NHSL1: variants seen among roughly 807,000 people sequenced by gnomAD.
The protein encoded by NHSL1 is NHS like 1.
Under a neutral mutation model 95.0 loss-of-function variants are expected in NHSL1, and 48 were observed. The ratio of observed to expected loss-of-function variants is 0.51; its 90% CI spans 0.40 to 0.64. The LOEUF is 0.64. Among genes scored for constraint, NHSL1 ranks in the 30% least tolerant of loss-of-function variants. NHSL1 has a pLI of 0.00. For synonymous variants in NHSL1, 783 were observed against 833.9 expected (o/e 0.94, Z 1.05); for missense variants, 1,971 against 2,077.7 (o/e 0.95, Z 1.00).
intron 1 of NHSL1, among the ~76,000 whole-genome samples, chr6:138,569,387 G>C (rs891941116): frequency 2.6e-5 from 4 of 152,082 alleles, no homozygotes; most frequent in African/African-American, 4.8e-5. Flanking sequence ...AAGTTAGGGG[G>C]GTTGCGGAAT....
At chr6:138,475,426 C>T (rs766554686) in intron 2 of NHSL1, among the ~76,000 whole-genome samples, 8 of 151,978 alleles carry the variant, frequency 5.3e-5, no homozygotes, top group Non-Finnish European at 1.0e-4. Context: ...CAGGGACTCA[C>T]TATGTTACCT....
rs760962634 is a variant in NHSL1 at position 138,444,272 on chromosome 6, TA to T, written c.533-2159del. On this transcript the variant is annotated intron_variant, in intron 4 of 7. Coordinates refer to ENST00000343505, the MANE Select transcript of NHSL1 (RefSeq NM_001144060.2). ...ATTGCTCAATTAAACTCTTTTAAAT[TA>T]AAAAAAAAAAAAGAAATAAACTTGG... 8.9e-3 allele frequency among the ~76,000 whole-genome samples: 1,237 copies of T among 139,356 alleles called. 1 individual carries two copies. Among genetic ancestry groups the T allele is most frequent in the South Asian group, 0.017 (73 of 4,404 alleles). 91.4% of individuals were successfully genotyped at this position (139,356 alleles called of 152,430 possible). A position where few individuals can be genotyped will look rare whatever the true frequency, so the allele number is the denominator to read the frequency against.
rs1455944994 is a variant in NHSL1 at position 138,653,041 on chromosome 6, G to A, written c.96+39435C>T. 2.0e-5 allele frequency among the ~76,000 whole-genome samples: 3 copies of A among 152,192 alleles called. No individual in the cohort carries two copies. The East Asian group carries it at 5.8e-4, about 29-fold the overall frequency. On this transcript the variant is annotated intron_variant, in intron 1 of 3. Transcript: ENST00000491526. ...CTGTTGAAATTCAAGGATTTCCTCTGCATTCTCTTGCCTGCAGAGCTAAAC... is the reference window on the plus strand; with the variant it reads ...CTGTTGAAATTCAAGGATTTCCTCTACATTCTCTTGCCTGCAGAGCTAAAC...
chr6:138,538,518 C>T (rs1176767573), intron 1 of NHSL1, among the ~76,000 whole-genome samples: 1 of 152,164 alleles, frequency 6.6e-6, no homozygotes, highest in African/African-American at 2.4e-5. Flanking sequence ...TTTGCCTTCC[C>T]TTTCCTAAGA....
At position 138,473,369 on chromosome 6, in the gene NHSL1, A is replaced by C; in HGVS notation, c.276T>G (p.Phe92Leu). 2.6e-6 allele frequency: 4 copies of C among 1,549,056 alleles called. No homozygotes were observed. The highest frequency in any genetic ancestry group is 3.5e-6 in the Non-Finnish European group (4 of 1,146,020). The change falls in exon 3 of 8, where the codon TTT (phenylalanine) becomes TTG (leucine). Residue 92 changes from phenylalanine to leucine, a missense_variant. Physicochemically the swap from Phe to Leu is conservative, Grantham distance 22. Transcript: ENST00000343505. ...SSQYYSQGPT[F>L]AANASPFCDD... ...CACAGAATGGGCTGGCGTTGGCCGCAAAGGTGGGTCCCTGAGAGTAGTACT... is the reference window on the plus strand; with the variant it reads ...CACAGAATGGGCTGGCGTTGGCCGCCAAGGTGGGTCCCTGAGAGTAGTACT...
chr6:138,645,461 T>C (rs1159047397), intron 1 of NHSL1, among the ~76,000 whole-genome samples: 1 of 152,092 alleles, frequency 6.6e-6, no homozygotes, highest in Non-Finnish European at 1.5e-5. Flanking sequence ...AATCACCTTA[T>C]AACGTACTAT....
chr6:138,670,461 T>C (rs1339416497), intron 1 of NHSL1, among the ~76,000 whole-genome samples: 4 of 148,998 alleles, frequency 2.7e-5, no homozygotes, highest in South Asian at 2.1e-4. Context: ...GGTCAGGAGA[T>C]CGAGACCATC....
At chr6:138,685,629 T>C (rs7762358) in intron 1 of NHSL1, among the ~76,000 whole-genome samples, 5,362 of 152,070 alleles carry the variant, frequency 0.035, 192 homozygotes, top group African/African-American at 0.083. Context: ...GGTGGGAGGA[T>C]TGCTTGAGGC....
chr6:138,464,286 T>A, intron 3 of NHSL1: 1 of 760,044 alleles, frequency 1.3e-6, no homozygotes. Flanking sequence ...TGGCAGACCC[T>A]GGTGTCGTGG....
chr6:138,476,191 A>C (rs1779055763), intron 2 of NHSL1, among the ~76,000 whole-genome samples: 1 of 152,156 alleles, frequency 6.6e-6, no homozygotes, highest in Non-Finnish European at 1.5e-5. Flanking sequence ...AGATACCTGC[A>C]CTCATATGTT....
At chr6:138,593,516 G>A (rs1454410279) in intron 1 of NHSL1, among the ~76,000 whole-genome samples, 1 of 152,204 alleles carries the variant, frequency 6.6e-6, no homozygotes, top group East Asian at 1.9e-4. Flanking sequence ...AATCAGTGAG[G>A]CCAACGGCTA....
chr6:138,533,982 G>A (rs76948431), intron 1 of NHSL1, among the ~76,000 whole-genome samples: 4,272 of 152,270 alleles, frequency 0.028, 81 homozygotes, highest in South Asian at 0.048. Flanking sequence ...TCTATGACCA[G>A]CTTCCACATG....
At position 138,473,303 on chromosome 6, in the gene NHSL1, T is replaced by G; in HGVS notation, c.339+3A>C. ...GGACCCCGTGTTGAACTTTGAAGCT[T>G]ACCTTTTGATCTGTTTCTTCATCTT... is the stretch of plus-strand genomic sequence containing the variant. On this transcript the variant is annotated splice_donor_region_variant and intron_variant, in intron 3 of 7. Coordinates refer to ENST00000343505, the MANE Select transcript of NHSL1 (RefSeq NM_001144060.2). 6.5e-7 allele frequency: 1 copy of G among 1,538,150 alleles called. No individual in the cohort carries two copies. Among genetic ancestry groups the G allele is most frequent in the Non-Finnish European group, 8.8e-7 (1 of 1,142,046 alleles).
chr6:138,504,909 A>ACC (rs1780880019), intron 1 of NHSL1, among the ~76,000 whole-genome samples: 1 of 152,202 alleles, frequency 6.6e-6, no homozygotes, highest in Non-Finnish European at 1.5e-5. Context: ...ATGTTTCAGG[A>ACC]ACCAAATAAA....
In NHSL1 at chr6:138,431,770, G is replaced by A. The variant is rs1416347828; in HGVS notation, c.2575C>T (p.Pro859Ser). 1.9e-6 allele frequency: 3 copies of A among 1,551,550 alleles called. No individual in the cohort carries two copies. The highest frequency in any genetic ancestry group is 4.9e-5 in the East Asian group (2 of 40,930). Residue 859 changes from proline to serine, a missense_variant, in exon 6 of 8, where the codon CCC (proline) becomes TCC (serine). Transcript: ENST00000343505. The surrounding 1 kb of genome is among the most constrained non-coding windows in gnomAD (Gnocchi z 4.0). Reference sequence around the variant, plus strand: ...ACAGGCACAGGGGTGAGTGCTGTGGGTGTATTCGACTGGCTGGAATACCCA... The same window carrying A: ...ACAGGCACAGGGGTGAGTGCTGTGGATGTATTCGACTGGCTGGAATACCCA... ...SSGYSSQSNT[P>S]TALTPVPVFL...
intron 5 of NHSL1, among the ~76,000 whole-genome samples, chr6:138,437,375 C>T (rs1367798293): frequency 0.027 from 960 of 36,190 alleles, 102 homozygotes; most frequent in African/African-American, 0.089. Context: ...TATATATACA[C>T]ATATATATAT....
chr6:138,662,865 T>C (rs183943910), intron 1 of NHSL1, among the ~76,000 whole-genome samples: 1 of 152,168 alleles, frequency 6.6e-6, no homozygotes, highest in African/African-American at 2.4e-5. Flanking sequence ...ACACTTCAAC[T>C]TTCATACACT....
At chr6:138,565,228 T>A (rs1562373812) in intron 1 of NHSL1, among the ~76,000 whole-genome samples, 1 of 152,104 alleles carries the variant, frequency 6.6e-6, no homozygotes. Context: ...TGCCTCAGCC[T>A]CCCAAGTAGC....
chr6:138,467,915 CAT>C (rs1778496851), intron 3 of NHSL1, among the ~76,000 whole-genome samples: 1 of 151,862 alleles, frequency 6.6e-6, no homozygotes, highest in African/African-American at 2.4e-5. Context: ...AAGAAAGAAA[CAT>C]ATTTCTTTTT....
Sources: allele counts gnomAD v4.1 joint callset (sites outside exome capture counted in the v4.1 genomes callset), GRCh38; gene constraint gnomAD v4.1.1; non-coding constraint Gnocchi (gnomAD v3.1); transcripts MANE v1.5; gene names NCBI Gene and HGNC (gene_info 2026-07-23, HGNC 2026-07-21).